Variants in MND1 observed in about 807,000 individuals in gnomAD.
MND1 encodes meiotic nuclear division protein 1 homolog.
MND1 carries 28 observed loss-of-function variants against 35.1 expected under a neutral mutation model. That is an observed-to-expected ratio of 0.80 (90% CI 0.59 to 1.09). MND1 has a LOEUF of 1.09. Ranked by LOEUF, MND1 falls within the 50% of genes least tolerant of loss-of-function variation. The pLI is 0.00. For missense variants in MND1, 213 were observed against 239.6 expected, an observed-to-expected ratio of 0.89 and a Z score of 0.73; for synonymous variants, 69 against 70.5, an observed-to-expected ratio of 0.98 and a Z score of 0.11.
At chr4:153,365,117 A>G (rs76153336) in intron 4 of MND1, among the ~76,000 whole-genome samples, 4 of 147,316 alleles carry the variant, frequency 2.7e-5, no homozygotes, top group Admixed American at 1.3e-4. Flanking sequence ...AAAAAAAAAA[A>G]CTATCCAAGC....
intron 4 of MND1, among the ~76,000 whole-genome samples, chr4:153,374,398 ATG>A (rs1728435479): frequency 6.6e-6 from 1 of 152,176 alleles, no homozygotes; most frequent in South Asian, 2.1e-4. Flanking sequence ...GAAGAGTAAA[ATG>A]AGTGAAAAGT....
At chr4:153,363,862 G>A (rs1052510851) in intron 4 of MND1, among the ~76,000 whole-genome samples, 3 of 152,126 alleles carry the variant, frequency 2.0e-5, no homozygotes, top group Non-Finnish European at 4.4e-5. Flanking sequence ...TCAGCTATGC[G>A]GCTATTGTAA....
chr4:153,350,777 T>C (rs767267021), intron 2 of MND1, among the ~76,000 whole-genome samples: 1 of 152,144 alleles, frequency 6.6e-6, no homozygotes, highest in African/African-American at 2.4e-5. Flanking sequence ...GCCACATAAA[T>C]CTTTGACCTA....
chr4:153,392,506 A>T (rs1479995720), intron 4 of MND1, among the ~76,000 whole-genome samples: 1 of 148,394 alleles, frequency 6.7e-6, no homozygotes. Flanking sequence ...GAGGAGTGGA[A>T]TATTTTTTAA....
rs995033200 is a variant in MND1, at chr4:153,405,236, G to T, written c.467-3735G>T. 2.6e-5 allele frequency among the ~76,000 whole-genome samples: 4 copies of T among 152,026 alleles called. No homozygotes were observed. The South Asian group carries it at 8.3e-4, about 32-fold the overall frequency. ...CTCAAATTTCCCAATTTCAAAACTC[G>T]CTACAAGGCTGCAGTTATCAAGACA... On this transcript the variant is annotated intron_variant, in intron 6 of 7. Transcript: ENST00000240488.
At chr4:153,374,174 T>A (rs1490575634) in intron 4 of MND1, among the ~76,000 whole-genome samples, 2 of 152,176 alleles carry the variant, frequency 1.3e-5, no homozygotes, top group East Asian at 3.8e-4. Context: ...CTTTAGGCAG[T>A]CAGTATATGG....
chr4:153,394,220 G>A (rs1729136344), intron 4 of MND1, 42 bp from the exon 5 acceptor site: 1 of 1,584,234 alleles, frequency 6.3e-7, no homozygotes. Context: ...CTACATGTCA[G>A]TTTATCTTAG....
Position 153,394,304 on chromosome 4 carries a change from A to C in MND1, c.319A>C (p.Ile107Leu). Residue 107 changes from isoleucine (I) to leucine (L), a missense_variant, in exon 5 of 8, where the codon ATT (isoleucine) becomes CTT (leucine). Ile to Leu is a conservative substitution (Grantham distance 5, BLOSUM62 2). Coordinates refer to ENST00000240488, the MANE Select transcript of MND1 (RefSeq NM_032117.4). ...AAAGCATGCAAGCCTACAGAAAAGC[A>C]TTGAGAAAGCTAAAATTGGCCGATG... ...SQKHASLQKS[I>L]EKAKIGRCET... The C allele has an allele frequency of 6.2e-7, 1 of 1,612,754 alleles. No individual in the cohort carries two copies.
At chr4:153,410,293 T>A (rs1296852276) in intron 7 of MND1, among the ~76,000 whole-genome samples, 1 of 152,142 alleles carries the variant, frequency 6.6e-6, no homozygotes, top group East Asian at 1.9e-4. Context: ...GCTTTTTTTT[T>A]TTCCTATCCT....
chr4:153,384,803 C>A (rs147094481), intron 4 of MND1, among the ~76,000 whole-genome samples: 1 of 152,076 alleles, frequency 6.6e-6, no homozygotes, highest in South Asian at 2.1e-4. Flanking sequence ...GATTTTCATA[C>A]TCTTTATGTC....
intron 6 of MND1, among the ~76,000 whole-genome samples, chr4:153,400,384 T>G (rs914632299): frequency 6.6e-6 from 1 of 152,158 alleles, no homozygotes; most frequent in Non-Finnish European, 1.5e-5. Context: ...TTTAAAAAAT[T>G]TATTAAAGAT....
intron 2 of MND1, 110 bp downstream of exon 2, chr4:153,350,239 T>A (rs776752604): frequency 5.5e-6 from 4 of 724,676 alleles, no homozygotes; most frequent in Non-Finnish European, 9.1e-6. Flanking sequence ...GATCAATTTC[T>A]TGAAGAATGG....
At chr4:153,405,770 G>A (rs1412841727) in intron 6 of MND1, among the ~76,000 whole-genome samples, 1 of 152,112 alleles carries the variant, frequency 6.6e-6, no homozygotes, top group Non-Finnish European at 1.5e-5. Flanking sequence ...CTACATGGAA[G>A]AGCTGAAACT....
chr4:153,372,752 C>T (rs1773822457), intron 4 of MND1, among the ~76,000 whole-genome samples: 1 of 152,102 alleles, frequency 6.6e-6, no homozygotes, highest in African/African-American at 2.4e-5. Flanking sequence ...TTCTTTTACT[C>T]AATAAAATTA....
intron 4 of MND1, among the ~76,000 whole-genome samples, chr4:153,379,601 C>T (rs963952122): frequency 2.6e-5 from 4 of 151,686 alleles, no homozygotes; most frequent in Non-Finnish European, 2.9e-5. Flanking sequence ...CCTGTAATCC[C>T]GGCACTTTGG....
intron 6 of MND1, among the ~76,000 whole-genome samples, chr4:153,400,906 C>T: frequency 6.6e-6 from 1 of 151,994 alleles, no homozygotes; most frequent in East Asian, 1.9e-4. Flanking sequence ...TCCATATGTT[C>T]AAAAAGTTAA....
At chr4:153,360,119 C>T (rs1312144058) in intron 4 of MND1, among the ~76,000 whole-genome samples, 3 of 152,088 alleles carry the variant, frequency 2.0e-5, no homozygotes, top group African/African-American at 7.2e-5. Flanking sequence ...TATTTGTCAT[C>T]TATGTAAAAG....
At chr4:153,355,879 T>A in intron 3 of MND1, 168 bp downstream of exon 3, 1 of 567,124 alleles carries the variant, frequency 1.8e-6, no homozygotes, top group Non-Finnish European at 3.2e-6. Flanking sequence ...ACCACTGTCA[T>A]GTTGTCCTTT....
chr4:153,360,301 C>A (rs1773450174), intron 4 of MND1, among the ~76,000 whole-genome samples: 1 of 152,140 alleles, frequency 6.6e-6, no homozygotes, highest in Admixed American at 6.5e-5. Context: ...GCATCTTTCA[C>A]AGAGCAGTTT....
Sources: allele counts gnomAD v4.1 joint callset (sites outside exome capture counted in the v4.1 genomes callset), GRCh38; gene constraint gnomAD v4.1.1; transcripts MANE v1.5; gene names NCBI Gene and HGNC (gene_info 2026-07-23, HGNC 2026-07-21).